DHRS12: variants seen among roughly 807,000 people sequenced by gnomAD.
DHRS12 encodes the protein dehydrogenase/reductase SDR family member 12.
DHRS12 carries 29 observed loss-of-function variants against 32.1 expected under a neutral mutation model. The ratio of observed to expected loss-of-function variants is 0.90; its 90% CI spans 0.67 to 1.23. DHRS12 has a LOEUF of 1.23. Ranked by LOEUF, DHRS12 falls within the 50% of genes most tolerant of loss-of-function variation. The pLI is 0.00. For synonymous variants in DHRS12, 150 were observed against 135.9 expected, an observed-to-expected ratio of 1.10 and a Z score of -0.72; for missense variants, 330 against 337.2, an observed-to-expected ratio of 0.98 and a Z score of 0.17.
intron 7 of DHRS12, chr13:51,771,018 G>A (rs1953984267): frequency 1.4e-6 from 2 of 1,421,348 alleles, no homozygotes; most frequent in Non-Finnish European, 9.2e-7. Flanking sequence ...TGCCAGCAGT[G>A]TGTGAGAGCC....
intron 5 of DHRS12, among the ~76,000 whole-genome samples, chr13:51,776,858 G>C (rs1406476517): frequency 1.3e-5 from 2 of 152,118 alleles, no homozygotes; most frequent in African/African-American, 2.4e-5. Context: ...CGGGGGTTGG[G>C]GGGGTTCAGA....
chr13:51,759,947 G>C, the DHRS12 span: 7 of 585,306 alleles, frequency 1.2e-5, no homozygotes, highest in African/African-American at 9.3e-5. Context: ...CACTCGCAAG[G>C]GGACTCTTCC....
At position 51,771,606 on chromosome 13, in the gene DHRS12, C is replaced by T. The variant is rs1032888750; in HGVS notation, c.559+215G>A. On this transcript the variant is annotated intron_variant, in intron 7 of 8. Coordinates refer to ENST00000444610, the MANE Select transcript of DHRS12 (RefSeq NM_001377533.1). Reference sequence around the variant, plus strand: ...CCGTTCCCACCATCTCCTTCCCTGACTTGCACAGGGCAAGCTGGAAGCAAA... The same window carrying T: ...CCGTTCCCACCATCTCCTTCCCTGATTTGCACAGGGCAAGCTGGAAGCAAA... 1.1e-5 allele frequency: 16 copies of T among 1,512,836 alleles called. No individual in the cohort carries two copies. In the African/African-American group the frequency reaches 2.2e-4, roughly 21 times the overall value. The allele number at this position is 1,512,836 out of a possible 1,614,324, so 93.7% of individuals were successfully genotyped here.
chr13:51,769,216 T>C lies in DHRS12; in HGVS notation c.637A>G (p.Met213Val), dbSNP rs1442118244. 1.3e-6 allele frequency: 2 copies of C among 1,578,612 alleles called. No individual in the cohort carries two copies. Among genetic ancestry groups the C allele is most frequent in the Non-Finnish European group, 1.7e-6 (2 of 1,163,604 alleles). The change falls in exon 8 of 9, where the codon ATG becomes GTG. Residue 213 changes from methionine (M) to valine (V), a missense_variant. Met to Val is a conservative substitution (Grantham distance 21). Coordinates refer to ENST00000444610, the MANE Select transcript of DHRS12 (RefSeq NM_001377533.1). ...GCAGAGGAGAGGGCCAGCCACAGCA[T>C]GGTGTCCGCGCCCTGGGCCTCGGAG... is the stretch of plus-strand genomic sequence containing the variant. ...LRSEAQGADTMLWLALSSAAA... is the reference protein window; with the variant it reads ...LRSEAQGADTVLWLALSSAAA...
the DHRS12 span, among the ~76,000 whole-genome samples, chr13:51,755,807 C>G: frequency 1.3e-5 from 2 of 152,100 alleles, no homozygotes; most frequent in Admixed American, 1.3e-4. Context: ...TTTACTTTCC[C>G]TCCTTCTGAT....
At chr13:51,784,102 CAG>C (rs1954842971) in intron 4 of DHRS12, among the ~76,000 whole-genome samples, 1 of 152,186 alleles carries the variant, frequency 6.6e-6, no homozygotes, top group Admixed American at 6.5e-5. Context: ...GACATTTGTA[CAG>C]AGTCAGGTAA....
the DHRS12 span, chr13:51,756,604 T>C: frequency 1.4e-6 from 2 of 1,380,052 alleles, no homozygotes; most frequent in Admixed American, 3.2e-5. Context: ...GTAAAAGCTC[T>C]CCTTTGCCAC....
intron 3 of DHRS12, among the ~76,000 whole-genome samples, chr13:51,790,845 A>G (rs1955233146): frequency 6.6e-6 from 1 of 152,208 alleles, no homozygotes; most frequent in Non-Finnish European, 1.5e-5. Context: ...AGAGCTTCTA[A>G]TTTCAACACA....
chr13:51,768,721 A>C (rs1953868910), intron 8 of DHRS12: 1 of 1,125,008 alleles, frequency 8.9e-7, no homozygotes, highest in African/African-American at 1.6e-5. Context: ...CTGCCCCCTT[A>C]GGAGCCCACT....
At chr13:51,798,431 C>T (rs955505107) in intron 2 of DHRS12, among the ~76,000 whole-genome samples, 4 of 152,230 alleles carry the variant, frequency 2.6e-5, no homozygotes, top group African/African-American at 7.2e-5. Context: ...AAATGCCACA[C>T]CATCATCAAT....
chr13:51,773,520 T>C (rs990562203), intron 6 of DHRS12, among the ~76,000 whole-genome samples: 2 of 152,158 alleles, frequency 1.3e-5, no homozygotes, highest in African/African-American at 4.8e-5. Flanking sequence ...GGTTCTGGAC[T>C]GTGGCCCCTT....
intron 4 of DHRS12, among the ~76,000 whole-genome samples, chr13:51,779,654 T>C (rs1273332623): frequency 6.6e-6 from 1 of 152,222 alleles, no homozygotes; most frequent in African/African-American, 2.4e-5. Context: ...AAGGTCACCT[T>C]AGCTGCTGAC....
intron 7 of DHRS12, 32 bp from the exon 8 acceptor site, chr13:51,769,325 C>A: frequency 4.9e-6 from 7 of 1,414,672 alleles, no homozygotes; most frequent in South Asian, 4.4e-5. Flanking sequence ...CGGATTAGGA[C>A]AGCATTCTCC....
At chr13:51,795,410 C>G (rs1008267127) in intron 2 of DHRS12, among the ~76,000 whole-genome samples, 3 of 152,158 alleles carry the variant, frequency 2.0e-5, no homozygotes, top group Non-Finnish European at 1.5e-5. Flanking sequence ...AATGATAATA[C>G]CAACAATAAT....
chr13:51,804,057 G>T lies in DHRS12; in HGVS notation c.-12C>A. ...GCGCCCCGCCGCGCCGCCTTACTTG[G>T]TGTACTCGCGCAGCCCCTTGGCGAA... is the stretch of plus-strand genomic sequence containing the variant. On this transcript the variant is annotated 5_prime_UTR_variant, in exon 1 of 9. Transcript: ENST00000444610. The T allele has an allele frequency of 6.7e-7, 1 of 1,483,390 alleles. No homozygotes were observed. The highest frequency in any genetic ancestry group is 2.3e-5 in the Admixed American group (1 of 43,636). 91.9% of individuals were successfully genotyped at this position (1,483,390 alleles called of 1,614,324 possible). A position where few individuals can be genotyped will look rare whatever the true frequency, so the allele number is the denominator to read the frequency against.
At chr13:51,800,286 T>C (rs747370192) in intron 1 of DHRS12, among the ~76,000 whole-genome samples, 2 of 152,246 alleles carry the variant, frequency 1.3e-5, no homozygotes, top group African/African-American at 4.8e-5. Flanking sequence ...GAAAAGCATA[T>C]TGCAGAAGAG....
chr13:51,785,322 C>T (rs891396062), intron 4 of DHRS12, among the ~76,000 whole-genome samples: 3 of 151,888 alleles, frequency 2.0e-5, no homozygotes, highest in Admixed American at 1.3e-4. Context: ...TCAGGTGACC[C>T]GTTTTCAAAG....
At chr13:51,798,487 C>T (rs1452182932) in intron 2 of DHRS12, among the ~76,000 whole-genome samples, 2 of 152,168 alleles carry the variant, frequency 1.3e-5, no homozygotes, top group African/African-American at 4.8e-5. Flanking sequence ...CAGCTAAGAA[C>T]GAATCGTTAT....
intron 1 of DHRS12, chr13:51,803,646 A>G (rs1955856275): frequency 1.3e-5 from 2 of 159,610 alleles, no homozygotes; most frequent in Admixed American, 1.3e-4. Flanking sequence ...AGGCACTAGG[A>G]CAGAGCCTTA....
Sources: allele counts gnomAD v4.1 joint callset (sites outside exome capture counted in the v4.1 genomes callset), GRCh38; gene constraint gnomAD v4.1.1; transcripts MANE v1.5; gene names NCBI Gene and HGNC (gene_info 2026-07-23, HGNC 2026-07-21).